Variants in CPM observed in about 807,000 individuals in gnomAD.
CPM encodes the protein carboxypeptidase M.
In CPM, 35 loss-of-function variants were observed where a neutral mutation model predicts 46.4. That is an observed-to-expected ratio of 0.75 (90% CI 0.58 to 1.00). CPM has a LOEUF of 1.00. Ranked by LOEUF, CPM falls within the 50% of genes least tolerant of loss-of-function variation. The pLI is 0.00. For synonymous variants in CPM, 195 were observed against 195.3 expected (o/e 1.00, Z 0.01); for missense variants, 422 against 530.4 (o/e 0.80, Z 2.01).
upstream of CPM, among the ~76,000 whole-genome samples, chr12:68,934,419 T>G (rs1257307419): frequency 6.6e-6 from 1 of 152,184 alleles, no homozygotes; most frequent in Admixed American, 6.5e-5. Context: ...ATATAGATAC[T>G]TTTCCTAGAA....
At chr12:68,931,758 AAAAAAAAAG>A (rs1888513561) in intron 2 of CPM, among the ~76,000 whole-genome samples, 2 of 148,886 alleles carry the variant, frequency 1.3e-5, no homozygotes, top group African/African-American at 5.0e-5. Flanking sequence ...AAAAAAAAAA[AAAAAAAAAG>A]AAAGAAAGAA....
At chr12:68,936,586 G>A (rs1403508173), upstream of CPM, among the ~76,000 whole-genome samples, 2 of 152,188 alleles carry the variant, frequency 1.3e-5, no homozygotes, top group East Asian at 1.9e-4. Flanking sequence ...GTTTCACCAC[G>A]TTGGCCAGGA....
At chr12:68,915,563 C>T (rs1211853547) in intron 2 of CPM, among the ~76,000 whole-genome samples, 2 of 152,198 alleles carry the variant, frequency 1.3e-5, no homozygotes, top group African/African-American at 4.8e-5. Flanking sequence ...ACCAATCACC[C>T]TGTAGGCCAG....
At chr12:68,872,549 G>A (rs573548489) in intron 3 of CPM, among the ~76,000 whole-genome samples, 5 of 152,038 alleles carry the variant, frequency 3.3e-5, no homozygotes, top group Middle Eastern at 3.2e-3. Flanking sequence ...CACTGCGCCC[G>A]GCCGCAATAA....
intron 2 of CPM, among the ~76,000 whole-genome samples, chr12:68,927,415 G>GT (rs1349610552): frequency 6.6e-6 from 1 of 152,066 alleles, no homozygotes; most frequent in Admixed American, 6.6e-5. Context: ...GGGGTTGTCT[G>GT]TTTTTTTCTT....
At position 68,870,412 on chromosome 12, in the gene CPM, G is replaced by A. The variant is rs764074364; in HGVS notation, c.432-13C>T. ...GTTATAATTTTCCCTTTAAAAGAAA[G>A]AATATTTTAGGGCTTATTGATAGGG... is the stretch of plus-strand genomic sequence containing the variant. On this transcript the variant is annotated splice_polypyrimidine_tract_variant and intron_variant, in intron 4 of 8. Coordinates refer to ENST00000551568, the MANE Select transcript of CPM (RefSeq NM_198320.5). 12 of 1,609,618 alleles carry A rather than the reference G, an allele frequency of 7.5e-6. No individual in the cohort carries two copies. In the African/African-American group the frequency reaches 1.5e-4, roughly 20 times the overall value.
chr12:68,949,775 G>T (rs1054616434), intron 1 of CPM, among the ~76,000 whole-genome samples: 2 of 152,200 alleles, frequency 1.3e-5, no homozygotes, highest in African/African-American at 4.8e-5. Context: ...ATGGAAAATT[G>T]CAGGTGAGGC....
intron 1 of CPM, among the ~76,000 whole-genome samples, chr12:68,942,461 C>T (rs972030409): frequency 1.3e-4 from 20 of 152,132 alleles, no homozygotes; most frequent in African/African-American, 4.1e-4. Context: ...AATCATGCAC[C>T]GTTATCACAC....
intron 1 of CPM, among the ~76,000 whole-genome samples, chr12:68,960,053 C>T (rs756319178): frequency 9.9e-5 from 15 of 152,164 alleles, no homozygotes; most frequent in Non-Finnish European, 1.6e-4. Context: ...TTTCCATGAA[C>T]GGCCTTTTTA....
intron 2 of CPM, among the ~76,000 whole-genome samples, chr12:68,929,304 T>C (rs539884128): frequency 1.8e-4 from 27 of 152,280 alleles, no homozygotes; most frequent in African/African-American, 6.0e-4. Context: ...TCAGCAAATA[T>C]TTGATCCATT....
chr12:68,883,987 G>A (rs1227256143), intron 3 of CPM, among the ~76,000 whole-genome samples: 1 of 150,826 alleles, frequency 6.6e-6, no homozygotes, highest in South Asian at 2.1e-4. Flanking sequence ...GTGCATGCCT[G>A]TAGTCCCAAC....
rs555436389 is a variant in CPM, at chr12:68,962,068, T to C, written c.-4+1101A>G. 2.7e-3 allele frequency among the ~76,000 whole-genome samples: 416 copies of C among 151,716 alleles called. 3 individuals are homozygous for C. Among genetic ancestry groups the C allele is most frequent in the Middle Eastern group, 0.01 (3 of 294 alleles). ...ACAAAAAATTAGCCGGGCACGGTGGTGGGCGCCTGTAGTCTCAGCTACTCA... is the reference window on the plus strand; with the variant it reads ...ACAAAAAATTAGCCGGGCACGGTGGCGGGCGCCTGTAGTCTCAGCTACTCA... On this transcript the variant is annotated intron_variant, in intron 1 of 8. Transcript: ENST00000546373.
chr12:68,906,022 A>G (rs1029185665), intron 2 of CPM, among the ~76,000 whole-genome samples: 27 of 152,202 alleles, frequency 1.8e-4, no homozygotes, highest in African/African-American at 6.3e-4. Flanking sequence ...GCAGGACTCA[A>G]GCATCGGTCA....
chr12:68,939,305 G>T (rs1350220060), intron 1 of CPM, among the ~76,000 whole-genome samples: 2 of 146,330 alleles, frequency 1.4e-5, no homozygotes, highest in Non-Finnish European at 3.0e-5. Flanking sequence ...TGTATTATGT[G>T]TACACATACC....
intron 4 of CPM, 71 bp downstream of exon 4, chr12:68,871,713 G>A: frequency 1.3e-6 from 2 of 1,529,844 alleles, no homozygotes; most frequent in Non-Finnish European, 1.8e-6. Context: ...TCTTGCCAAG[G>A]CCAACAGGTG....
chr12:68,913,003 G>C (rs1887660688), intron 2 of CPM, among the ~76,000 whole-genome samples: 1 of 151,978 alleles, frequency 6.6e-6, no homozygotes, highest in African/African-American at 2.4e-5. Context: ...TTCACTCCCA[G>C]GATGCACAGG....
At chr12:68,897,199 A>G (rs570160774) in intron 2 of CPM, among the ~76,000 whole-genome samples, 1 of 152,244 alleles carries the variant, frequency 6.6e-6, no homozygotes, top group Admixed American at 6.5e-5. Context: ...GACATTTTTA[A>G]GAATGGAGTT....
chr12:68,949,891 C>T (rs904944031), intron 1 of CPM, among the ~76,000 whole-genome samples: 2 of 152,216 alleles, frequency 1.3e-5, no homozygotes, highest in African/African-American at 4.8e-5. Context: ...CATTCTCAGA[C>T]AGCCTCTCAT....
intron 3 of CPM, among the ~76,000 whole-genome samples, chr12:68,882,736 T>A (rs1264021137): frequency 6.6e-6 from 1 of 152,218 alleles, no homozygotes; most frequent in South Asian, 2.1e-4. Flanking sequence ...ATTTTTTGAC[T>A]TTTTATTAAT....
Sources: gnomAD v4.1 joint callset for allele counts (sites outside exome capture counted in the v4.1 genomes callset) on GRCh38, gnomAD v4.1.1 for gene constraint, MANE v1.5 for transcripts, NCBI Gene and HGNC (gene_info 2026-07-23, HGNC 2026-07-21) for gene names.